CTNNA3: variants seen among roughly 807,000 people sequenced by gnomAD.
The protein encoded by CTNNA3 is catenin alpha 3.
CTNNA3 carries 76 observed loss-of-function variants against 95.7 expected under a neutral mutation model. The ratio of observed to expected loss-of-function variants is 0.79; its 90% CI spans 0.66 to 0.96. The LOEUF is 0.96. Ranked by LOEUF, CTNNA3 falls within the 40% of genes least tolerant of loss-of-function variation. The pLI is 0.00. For synonymous variants in CTNNA3, 431 were observed against 374.4 expected (o/e 1.15, Z -1.74); for missense variants, 1,191 against 1,089.8 (o/e 1.09, Z -1.31).
intron 13 of CTNNA3, among the ~76,000 whole-genome samples, chr10:66,109,057 C>A (rs1417894149): frequency 6.6e-6 from 1 of 152,264 alleles, no homozygotes; most frequent in South Asian, 2.1e-4. Flanking sequence ...CTAACTTGCC[C>A]TACTCCTTGA....
At chr10:66,377,899 G>A (rs1284368713) in intron 12 of CTNNA3, among the ~76,000 whole-genome samples, 1 of 152,060 alleles carries the variant, frequency 6.6e-6, no homozygotes, top group Non-Finnish European at 1.5e-5. Flanking sequence ...TGACTTTGAG[G>A]AGTGGATATA....
At chr10:66,764,446 A>C (rs1294555817) in intron 9 of CTNNA3, among the ~76,000 whole-genome samples, 7 of 152,200 alleles carry the variant, frequency 4.6e-5, no homozygotes, top group Non-Finnish European at 1.0e-4. Context: ...TCTTTGCTTC[A>C]GGATTTTTCA....
chr10:66,342,928 A>G (rs2092468070), intron 12 of CTNNA3, among the ~76,000 whole-genome samples: 1 of 152,140 alleles, frequency 6.6e-6, no homozygotes. Flanking sequence ...AAGGGCAGTA[A>G]GAATCTTTTC....
Position 66,918,811 on chromosome 10 carries a change from T to C in CTNNA3, c.1048-143287A>G, listed in dbSNP as rs1564765827. The stretch of plus-strand genomic sequence containing the variant: ...ATCCTGAAATGTGCATGTGTGTAGA[T>C]AGATAAATAGAGAGAGAGAGAGAGG... On this transcript the variant is annotated intron_variant, in intron 7 of 17. Coordinates refer to ENST00000433211, the MANE Select transcript of CTNNA3 (RefSeq NM_013266.4). Among the ~76,000 whole-genome samples, 5 of 152,016 alleles carry C rather than the reference T, an allele frequency of 3.3e-5. No individual in the cohort carries two copies. The South Asian group carries it at 8.3e-4, about 25-fold the overall frequency.
intron 11 of CTNNA3, among the ~76,000 whole-genome samples, chr10:66,463,886 A>ATT (rs112075327): frequency 0.035 from 5,010 of 143,692 alleles, 310 homozygotes; most frequent in East Asian, 0.23. Context: ...TCACTTTCCA[A>ATT]TTTTTTTTTT....
intron 1 of CTNNA3, among the ~76,000 whole-genome samples, chr10:67,718,426 C>T (rs11815574): frequency 0.016 from 2,506 of 152,278 alleles, 73 homozygotes; most frequent in African/African-American, 0.057. Context: ...TTTGCCCATT[C>T]AGAATGATAC....
intron 13 of CTNNA3, among the ~76,000 whole-genome samples, chr10:66,104,038 A>G (rs1007112094): frequency 2.0e-5 from 3 of 152,226 alleles, no homozygotes; most frequent in Non-Finnish European, 4.4e-5. Flanking sequence ...CATCATTAAA[A>G]TCATATATCA....
At chr10:66,900,425 C>G (rs1215026362) in intron 7 of CTNNA3, among the ~76,000 whole-genome samples, 1 of 152,134 alleles carries the variant, frequency 6.6e-6, no homozygotes, top group East Asian at 1.9e-4. Flanking sequence ...GAAACCAGAA[C>G]AGAAAAGCAG....
intron 15 of CTNNA3, among the ~76,000 whole-genome samples, chr10:65,995,627 G>C (rs990738547): frequency 6.6e-6 from 1 of 152,332 alleles, no homozygotes; most frequent in Non-Finnish European, 1.5e-5. Context: ...GGACCTCCAG[G>C]TGGCTTTCTT....
At chr10:66,007,498 T>A (rs2078910201) in intron 15 of CTNNA3, among the ~76,000 whole-genome samples, 1 of 152,168 alleles carries the variant, frequency 6.6e-6, no homozygotes, top group Admixed American at 6.5e-5. Flanking sequence ...ATCACCATAA[T>A]ACGGTAGTTA....
At chr10:66,409,694 A>G (rs2093087210) in intron 11 of CTNNA3, among the ~76,000 whole-genome samples, 4 of 152,190 alleles carry the variant, frequency 2.6e-5, no homozygotes, top group Admixed American at 6.5e-5. Flanking sequence ...TACTAAAGAG[A>G]CATTTAGTTT....
intron 1 of CTNNA3, among the ~76,000 whole-genome samples, chr10:67,667,849 C>T (rs898542885): frequency 2.0e-5 from 3 of 152,104 alleles, no homozygotes; most frequent in Admixed American, 2.0e-4. Flanking sequence ...TAAACAGATA[C>T]ATTCGCTGTA....
intron 7 of CTNNA3, among the ~76,000 whole-genome samples, chr10:66,855,703 AT>A (rs1843659848): frequency 6.6e-6 from 1 of 152,038 alleles, no homozygotes; most frequent in Non-Finnish European, 1.5e-5. Flanking sequence ...TAATTAAAAT[AT>A]TTATATTTTG....
chr10:66,807,708 T>A (rs1171241200), intron 7 of CTNNA3, among the ~76,000 whole-genome samples: 1 of 152,138 alleles, frequency 6.6e-6, no homozygotes, highest in Non-Finnish European at 1.5e-5. Flanking sequence ...GGGTCTATTT[T>A]CCAAAATAAA....
intron 7 of CTNNA3, among the ~76,000 whole-genome samples, chr10:66,865,603 G>T (rs1049907182): frequency 6.6e-6 from 1 of 151,694 alleles, no homozygotes; most frequent in Non-Finnish European, 1.5e-5. Context: ...TCAAATAATT[G>T]CCATATGCAA....
At chr10:67,412,220 T>C (rs963124935) in intron 5 of CTNNA3, among the ~76,000 whole-genome samples, 5 of 152,160 alleles carry the variant, frequency 3.3e-5, no homozygotes, top group African/African-American at 1.2e-4. Context: ...TCTGAGAAAG[T>C]GTAATTTTTA....
intron 5 of CTNNA3, among the ~76,000 whole-genome samples, chr10:67,466,525 G>A (rs1363869640): frequency 3.3e-5 from 5 of 152,096 alleles, no homozygotes; most frequent in Non-Finnish European, 5.9e-5. Context: ...CAAAAACTGA[G>A]ACATATTTTT....
chr10:66,657,480 T>C (rs891491876), intron 9 of CTNNA3, among the ~76,000 whole-genome samples: 1 of 152,114 alleles, frequency 6.6e-6, no homozygotes, highest in African/African-American at 2.4e-5. Flanking sequence ...GCCACTAATA[T>C]GTACGGTAAA....
At chr10:67,060,316 GAA>G (rs1223332396) in intron 7 of CTNNA3, among the ~76,000 whole-genome samples, 2 of 151,998 alleles carry the variant, frequency 1.3e-5, no homozygotes, top group African/African-American at 4.8e-5. Flanking sequence ...TTGTCTCAAA[GAA>G]AAGTCTTTTT....
Sources: allele counts gnomAD v4.1 joint callset (sites outside exome capture counted in the v4.1 genomes callset), GRCh38; gene constraint gnomAD v4.1.1; transcripts MANE v1.5; gene names NCBI Gene and HGNC (gene_info 2026-07-23, HGNC 2026-07-21).